Variants in NKAIN4 observed in about 807,000 individuals in gnomAD.
The protein encoded by NKAIN4 is sodium/potassium-transporting ATPase subunit beta-1-interacting protein 4.
In NKAIN4, 28 loss-of-function variants were observed where a neutral mutation model predicts 28.8. That is an observed-to-expected ratio of 0.97 (90% CI 0.72 to 1.33). The LOEUF (loss-of-function observed/expected upper bound fraction) is 1.33. Ranked by LOEUF, NKAIN4 falls within the 40% of genes most tolerant of loss-of-function variation. The pLI, the probability that NKAIN4 is intolerant of heterozygous loss-of-function variation, is 0.00. For synonymous variants in NKAIN4, 122 were observed against 115.6 expected (o/e 1.06, Z -0.36); for missense variants, 289 against 277.2 (o/e 1.04, Z -0.30).
rs200194922 is a variant in NKAIN4, at chr20:63,243,982, A to G, written c.532+42T>C. On this transcript the variant is annotated intron_variant, in intron 5 of 6. Transcript: ENST00000370316. ...ACAGACTCAGAGCTGCCACCTCTGT[A>G]GCCGTCTCCCGCCCCACTGCCTGCA... The G allele has an allele frequency of 9.0e-3, 14,039 of 1,552,906 alleles. 95 individuals carry two copies. The highest frequency in any genetic ancestry group is 0.012 in the Non-Finnish European group (13,151 of 1,129,854).
In NKAIN4 at chr20:63,245,357, C is replaced by G. The variant is rs1382721338; in HGVS notation, c.472-1273G>C. The stretch of plus-strand genomic sequence containing the variant: ...CTCCTCACCCCAAAGGAGCCCAAGA[C>G]GCCCCCATCCCGGAGCTGGCCGTGG... On this transcript the variant is annotated intron_variant, in intron 4 of 6. Transcript: ENST00000370316. This position sits in a 1 kb window ranked among gnomAD's most constrained non-coding sequence, Gnocchi z 4.7. 6.6e-6 allele frequency among the ~76,000 whole-genome samples: 1 copy of G among 152,158 alleles called. No homozygotes were observed. Among genetic ancestry groups the G allele is most frequent in the Non-Finnish European group, 1.5e-5 (1 of 68,016 alleles).
chr20:63,246,517 G>T (rs1175352189), intron 4 of NKAIN4: 5 of 985,308 alleles, frequency 5.1e-6, no homozygotes, highest in Non-Finnish European at 4.8e-6. Flanking sequence ...AGCTCACGAG[G>T]CCACCCGCAC....
intron 2 of NKAIN4, 109 bp from the exon 3 acceptor site, chr20:63,249,004 T>C: frequency 1.3e-6 from 1 of 751,464 alleles, no homozygotes; most frequent in South Asian, 1.5e-5. Flanking sequence ...AGGGGCGGCC[T>C]CTGCTCCTGA....
At chr20:63,253,550 G>T in intron 1 of NKAIN4, 8 of 981,488 alleles carry the variant, frequency 8.2e-6, no homozygotes, top group Non-Finnish European at 9.7e-6. Flanking sequence ...ACAAAGCATC[G>T]TTTCCTTTTT....
intron 1 of NKAIN4, 69 bp downstream of exon 1, chr20:63,254,328 G>T: frequency 7.9e-7 from 1 of 1,272,726 alleles, no homozygotes; most frequent in Non-Finnish European, 1.0e-6. Flanking sequence ...GGGACGCTTC[G>T]GGACCCCACA....
At chr20:63,242,141 G>C (rs973397006) in intron 6 of NKAIN4, among the ~76,000 whole-genome samples, 1 of 152,186 alleles carries the variant, frequency 6.6e-6, no homozygotes, top group Non-Finnish European at 1.5e-5. Flanking sequence ...CAAGAAACAA[G>C]TCTGGTTCTG....
intron 2 of NKAIN4, 89 bp downstream of exon 2, chr20:63,249,846 G>C: frequency 7.0e-7 from 1 of 1,429,850 alleles, no homozygotes; most frequent in Non-Finnish European, 9.5e-7. Context: ...GTGGTGTCCA[G>C]GAAAATATGC....
In NKAIN4 at chr20:63,242,599, G is replaced by T. The variant is rs760720826; in HGVS notation, c.557C>A (p.Pro186Gln). 12 of 1,612,908 alleles carry T rather than the reference G, an allele frequency of 7.4e-6. No individual in the cohort carries two copies. The highest frequency in any genetic ancestry group is 1.1e-5 in the South Asian group (1 of 91,064). The change falls in exon 6 of 7, where the codon CCA becomes CAA. Residue 186 changes from proline to glutamine, a missense_variant. By Grantham distance (76) the Pro-to-Gln change is moderately conservative. Transcript: ENST00000370316. ...TTCATTGACATGGTAGAGAGGAAATGGATCAAATCCACCAATGAAATCAAC... is the reference window on the plus strand; with the variant it reads ...TTCATTGACATGGTAGAGAGGAAATTGATCAAATCCACCAATGAAATCAAC... ...DSFDFIGGFD[P>Q]FPLYHVNEKP...
At chr20:63,246,669 C>T in intron 4 of NKAIN4, 1 of 985,426 alleles carries the variant, frequency 1.0e-6, no homozygotes, top group Non-Finnish European at 1.2e-6. Flanking sequence ...CCAGGAAAAG[C>T]CAGGGAGCCT....
At chr20:63,254,344 C>T (rs1175949460) in intron 1 of NKAIN4, 53 bp downstream of exon 1, 8 of 1,362,972 alleles carry the variant, frequency 5.9e-6, no homozygotes, top group Non-Finnish European at 6.7e-6. Flanking sequence ...CCACAGCCGC[C>T]GTGGGTCGGG....
chr20:63,248,685 G>A (rs1005880014), intron 3 of NKAIN4, 130 bp downstream of exon 3: 62 of 670,788 alleles, frequency 9.2e-5, no homozygotes, highest in Non-Finnish European at 1.6e-4. Context: ...CTGGGTGCTG[G>A]GGACAGAGCC....
intron 4 of NKAIN4, 113 bp downstream of exon 4, chr20:63,247,465 G>T (rs1366164735): frequency 6.5e-7 from 1 of 1,547,136 alleles, no homozygotes. Flanking sequence ...GGAAGGCAGA[G>T]ACACGCCTGA....
chr20:63,247,779 GGGGA>G lies in NKAIN4; in HGVS notation c.274-8_274-5del. On this transcript the variant is annotated splice_region_variant and splice_polypyrimidine_tract_variant and intron_variant, in intron 3 of 6. Coordinates refer to ENST00000370316, the MANE Select transcript of NKAIN4 (RefSeq NM_152864.4). The stretch of plus-strand genomic sequence containing the variant: ...TGAAGGTCAGTAGCTCGCTGTCCTA[GGGGA>G]GAGGTGCAGGAGCAGGGCCGGTTAG... 1 of 1,448,718 alleles carries G rather than the reference GGGGA, an allele frequency of 6.9e-7. No homozygotes were observed. Among genetic ancestry groups the G allele is most frequent in the Non-Finnish European group, 9.1e-7 (1 of 1,096,494 alleles). The allele number at this position is 1,448,718 out of a possible 1,614,324, so 89.7% of individuals were successfully genotyped here.
intron 4 of NKAIN4, chr20:63,247,377 G>C (rs1404345422): frequency 3.9e-6 from 6 of 1,524,342 alleles, no homozygotes; most frequent in Non-Finnish European, 5.3e-6. Context: ...GAGGTGGTTT[G>C]CAGAGGAGGC....
intron 4 of NKAIN4, 62 bp from the exon 5 acceptor site, chr20:63,244,146 G>A (rs544804679): frequency 6.0e-5 from 87 of 1,458,164 alleles, no homozygotes; most frequent in East Asian, 4.0e-4. Flanking sequence ...GTGTCATTGA[G>A]GCGATGTGGG....
chr20:63,246,130 G>T (rs898492713), intron 4 of NKAIN4, among the ~76,000 whole-genome samples: 1 of 152,136 alleles, frequency 6.6e-6, no homozygotes, highest in East Asian at 1.9e-4. Flanking sequence ...GGGTTTCACC[G>T]TGTTAGCCAG....
At chr20:63,251,042 G>A (rs2066949670) in intron 1 of NKAIN4, among the ~76,000 whole-genome samples, 1 of 151,968 alleles carries the variant, frequency 6.6e-6, no homozygotes, top group South Asian at 2.1e-4. Context: ...ATATTTATTG[G>A]ATACAAGACA....
chr20:63,251,171 A>G (rs1438977589), intron 1 of NKAIN4, among the ~76,000 whole-genome samples: 1 of 152,034 alleles, frequency 6.6e-6, no homozygotes, highest in Non-Finnish European at 1.5e-5. Context: ...GAGAGGAGAG[A>G]GAGAGAGAGA....
chr20:63,243,227 G>A (rs2066792933), intron 5 of NKAIN4, among the ~76,000 whole-genome samples: 1 of 152,210 alleles, frequency 6.6e-6, no homozygotes, highest in Admixed American at 6.5e-5. Context: ...AGGATCAGCA[G>A]CAGAGTGGCT....
Sources: gnomAD v4.1 joint callset for allele counts (sites outside exome capture counted in the v4.1 genomes callset) on GRCh38, gnomAD v4.1.1 for gene constraint, Gnocchi (gnomAD v3.1) non-coding constraint, MANE v1.5 for transcripts, NCBI Gene and HGNC (gene_info 2026-07-23, HGNC 2026-07-21) for gene names.